ARAP3: variants seen among roughly 807,000 people sequenced by gnomAD.
The protein encoded by ARAP3 is arf-GAP with Rho-GAP domain, ANK repeat and PH domain-containing protein 3.
In ARAP3, 82 loss-of-function variants were observed where a neutral mutation model predicts 169.2. The observed-to-expected ratio is 0.48, with a 90% confidence interval of 0.41 to 0.58. The LOEUF (loss-of-function observed/expected upper bound fraction) is 0.58. Among genes scored for constraint, ARAP3 ranks in the 20% least tolerant of loss-of-function variants. The probability of loss-of-function intolerance (pLI) is 0.00; values close to 1 mark genes in which losing one functional copy is unlikely to be tolerated. For synonymous variants in ARAP3, 791 were observed against 800.3 expected, an observed-to-expected ratio of 0.99 and a Z score of 0.20; for missense variants, 1,764 against 2,018.0, an observed-to-expected ratio of 0.87 and a Z score of 2.41.
At position 141,673,421 on chromosome 5, in the gene ARAP3, T is replaced by G; in HGVS notation, c.952A>C (p.Met318Leu). ...CCCACCTTGTCACTGCCAAAGTACA[T>G]CAGACTCCTCCCATTGAACTGCACA... ...RFVQFNGRSL[M>L]YFGSDKDPFP... Residue 318 changes from methionine to leucine, a missense_variant, in exon 6 of 33, where the codon ATG becomes CTG. By Grantham distance (15) the Met-to-Leu change is conservative. Around this residue, in one of 3 missense-constraint regions of ARAP3, gnomAD observed 630 missense variants for 678.7 expected, o/e 0.93. Transcript: ENST00000239440. The G allele has an allele frequency of 6.2e-7, 1 of 1,614,020 alleles. No individual in the cohort carries two copies. The highest frequency in any genetic ancestry group is 1.1e-5 in the South Asian group (1 of 91,090).
In ARAP3 at chr5:141,671,482, T is replaced by A; in HGVS notation, c.1855-82A>T. On this transcript the variant is annotated intron_variant, in intron 12 of 32. Transcript: ENST00000239440. The surrounding 1 kb of genome is among the most constrained non-coding windows in gnomAD (Gnocchi z 4.9). ...ACAGTCGTATCATCACTAAAAACAG[T>A]CCCCACCACCCAAGTCTAGGCATTC... 1.2e-6 allele frequency: 2 copies of A among 1,602,028 alleles called. No homozygotes were observed. Among genetic ancestry groups the A allele is most frequent in the Admixed American group, 1.7e-5 (1 of 58,922 alleles).
In ARAP3 at chr5:141,654,148, C is replaced by A. The variant is rs367655294; in HGVS notation, c.4437G>T (p.Gly1479=). 4 of 1,600,516 alleles carry A rather than the reference C, an allele frequency of 2.5e-6. No individual in the cohort carries two copies. Among genetic ancestry groups the A allele is most frequent in the East Asian group, 2.2e-5 (1 of 44,866 alleles). Residue 1479 remains glycine, a synonymous_variant, in exon 33 of 33, where the codon GGG becomes GGT. Transcript: ENST00000239440. ...CCTGGAGCAGCTGTTCCTCTAGGGA[C>A]CCCCGTGCCTGGGGACTGCTCTTTG... is the stretch of plus-strand genomic sequence containing the variant. ...PPSKSSPQAR[G]SLEEQLLQEL...
At chr5:141,673,915 C>A in intron 4 of ARAP3, 107 bp from the exon 5 acceptor site, 2 of 951,070 alleles carry the variant, frequency 2.1e-6, no homozygotes, top group South Asian at 3.5e-5. Flanking sequence ...GAATGCCTGG[C>A]AGGTACTGGA....
chr5:141,680,289 G>A lies in ARAP3; in HGVS notation c.198C>T (p.Thr66=), dbSNP rs761466917. Residue 66 remains threonine, a synonymous_variant, in exon 2 of 33, where the codon ACC becomes ACT. Transcript: ENST00000239440. ...ATTTGGGATCCAGGGAGCCCTCTTC[G>A]GTGCCTGTCTGTAGCAGGCGTAGAA... ...KRILRLLQTG[T]EEGSLDPKSD... The A allele has an allele frequency of 1.2e-6, 2 of 1,614,188 alleles. No individual in the cohort carries two copies. The highest frequency in any genetic ancestry group is 3.3e-5 in the Admixed American group (2 of 60,024).
At chr5:141,670,157 T>C in intron 14 of ARAP3, 94 bp from the exon 15 acceptor site, 1 of 1,471,772 alleles carries the variant, frequency 6.8e-7, no homozygotes, top group South Asian at 1.3e-5. Context: ...CCAAGCCCTT[T>C]GCCCATATAT....
intron 19 of ARAP3, among the ~76,000 whole-genome samples, chr5:141,664,253 G>A (rs1168444681): frequency 6.6e-6 from 1 of 152,040 alleles, no homozygotes; most frequent in East Asian, 1.9e-4. Context: ...GTGTGGTGGG[G>A]CACGCCTGCA....
rs374259789 is a variant in ARAP3, at chr5:141,673,379, G to A, written c.972+22C>T. On this transcript the variant is annotated intron_variant, in intron 6 of 32. Coordinates refer to ENST00000239440, the MANE Select transcript of ARAP3 (RefSeq NM_022481.6). ...CCTCCCTCTCCCTCATCTCCATATC[G>A]TCACATCTCCCAGCCCCCCACCTTG... is the stretch of plus-strand genomic sequence containing the variant. 1.7e-5 allele frequency: 28 copies of A among 1,612,854 alleles called. No individual in the cohort carries two copies. In the African/African-American group the frequency reaches 1.7e-4, roughly 10 times the overall value.
At position 141,671,236 on chromosome 5, in the gene ARAP3, G is replaced by A. The variant is rs965249009; in HGVS notation, c.1990+29C>T. 1.9e-6 allele frequency: 3 copies of A among 1,568,548 alleles called. No homozygotes were observed. Among genetic ancestry groups the A allele is most frequent in the African/African-American group, 2.7e-5 (2 of 73,264 alleles). Reference sequence around the variant, plus strand: ...AGGTTGGGTCTGAGAATTCCTGTAGGGGAGAGAGGAGGCACTTGGGGGAAT... The same window carrying A: ...AGGTTGGGTCTGAGAATTCCTGTAGAGGAGAGAGGAGGCACTTGGGGGAAT... On this transcript the variant is annotated intron_variant, in intron 13 of 32. Transcript: ENST00000239440. The surrounding 1 kb of genome is among the most constrained non-coding windows in gnomAD (Gnocchi z 4.9).
rs551398129 is a variant in ARAP3 at position 141,671,727 on chromosome 5, C to A, written c.1697G>T (p.Arg566Leu). 6.2e-7 allele frequency: 1 copy of A among 1,603,974 alleles called. No individual in the cohort carries two copies. Among genetic ancestry groups the A allele is most frequent in the South Asian group, 1.1e-5 (1 of 89,324 alleles). The change falls in exon 12 of 33, where the codon CGT (arginine) becomes CTT (leucine). Residue 566 changes from arginine (R) to leucine (L), a missense_variant. Physicochemically the swap from Arg to Leu is moderately radical, Grantham distance 102 (BLOSUM62 -2). This residue lies in a region of ARAP3 where 1,112 missense variants were observed against 1,285.7 expected (regional missense o/e 0.86). Transcript: ENST00000239440. This position sits in a 1 kb window ranked among gnomAD's most constrained non-coding sequence, Gnocchi z 4.9. ...VQLFIVLGND[R>L]ANRFWAGTLP... ...GGTCCCTGCCCAGAAGCGGTTGGCA[C>A]GATCATTTCCCAGGACAATGAATAA...
At chr5:141,668,217 C>A (rs1383889130) in intron 16 of ARAP3, among the ~76,000 whole-genome samples, 1 of 152,002 alleles carries the variant, frequency 6.6e-6, no homozygotes, top group East Asian at 1.9e-4. Context: ...AGCAATCCTT[C>A]CACCTCAGCC....
intron 4 of ARAP3, among the ~76,000 whole-genome samples, chr5:141,679,027 G>A (rs137924240): frequency 1.7e-4 from 26 of 152,174 alleles, no homozygotes; most frequent in Non-Finnish European, 2.9e-4. Context: ...AGTGGCTCAT[G>A]CCTGTAATCC....
intron 4 of ARAP3, among the ~76,000 whole-genome samples, chr5:141,676,547 C>T (rs2099912215): frequency 6.6e-6 from 1 of 152,090 alleles, no homozygotes; most frequent in African/African-American, 2.4e-5. Context: ...CCTCCAATTC[C>T]AAGGGTGAAT....
At position 141,671,843 on chromosome 5, in the gene ARAP3, T is replaced by G; in HGVS notation, c.1671+52A>C. The G allele has an allele frequency of 1.2e-6, 2 of 1,613,548 alleles. No individual in the cohort carries two copies. The highest frequency in any genetic ancestry group is 1.7e-6 in the Non-Finnish European group (2 of 1,179,558). ...GTCCCCAGGCTGGCCCAAGGCCTGCTTCTGGACGCTCCCTTCTACGCCTCC... is the reference window on the plus strand; with the variant it reads ...GTCCCCAGGCTGGCCCAAGGCCTGCGTCTGGACGCTCCCTTCTACGCCTCC... On this transcript the variant is annotated intron_variant, in intron 11 of 32. Coordinates refer to ENST00000239440, the MANE Select transcript of ARAP3 (RefSeq NM_022481.6). This position sits in a 1 kb window ranked among gnomAD's most constrained non-coding sequence, Gnocchi z 4.9.
At position 141,656,180 on chromosome 5, in the gene ARAP3, G is replaced by A. The variant is rs773918782; in HGVS notation, c.3872+14C>T. ...GGAAGGCCCTGGAAGTGCGGGCTGGGGAAGAAAACTCACGGTGTTGGGGGC... is the reference window on the plus strand; with the variant it reads ...GGAAGGCCCTGGAAGTGCGGGCTGGAGAAGAAAACTCACGGTGTTGGGGGC... On this transcript the variant is annotated intron_variant, in intron 28 of 32. Transcript: ENST00000239440. 1.4e-5 allele frequency: 22 copies of A among 1,613,986 alleles called. No homozygotes were observed. In the Admixed American group the frequency reaches 3.0e-4, roughly 22 times the overall value.
chr5:141,672,671 G>A lies in ARAP3; in HGVS notation c.1279-13C>T. The A allele has an allele frequency of 6.2e-7, 1 of 1,613,846 alleles. No individual in the cohort carries two copies. The highest frequency in any genetic ancestry group is 8.5e-7 in the Non-Finnish European group (1 of 1,179,818). ...CCAGAGAGAAGGCCTGGTGGGGTCA[G>A]GGGGTGGGCATCATGAGGTGCCAGA... On this transcript the variant is annotated splice_polypyrimidine_tract_variant and intron_variant, in intron 8 of 32. Coordinates refer to ENST00000239440, the MANE Select transcript of ARAP3 (RefSeq NM_022481.6). The surrounding 1 kb of genome is among the most constrained non-coding windows in gnomAD (Gnocchi z 4.9).
intron 15 of ARAP3, 28 bp downstream of exon 15, chr5:141,669,894 A>G (rs2099911200): frequency 6.2e-7 from 1 of 1,608,356 alleles, no homozygotes; most frequent in South Asian, 1.1e-5. Context: ...AAAAGGGGGA[A>G]GCTCAGTGGT....
intron 31 of ARAP3, 90 bp from the exon 32 acceptor site, chr5:141,655,490 G>A (rs372849091): frequency 1.5e-5 from 24 of 1,577,130 alleles, no homozygotes; most frequent in Non-Finnish European, 2.0e-5. Context: ...GGGAATGGGG[G>A]TGAAGAAGGC....
chr5:141,677,140 TTAA>T (rs769782620), intron 4 of ARAP3, among the ~76,000 whole-genome samples: 10 of 152,220 alleles, frequency 6.6e-5, no homozygotes, highest in Non-Finnish European at 1.0e-4. Flanking sequence ...GAAATTAATT[TTAA>T]TAATATATTT....
rs1228616758 is a variant in ARAP3 at position 141,666,549 on chromosome 5, G to T, written c.2447C>A (p.Ala816Asp). Reference protein sequence around the residue: ...WLRSPSHTAPAPGLWLSGFGL... With the variant: ...WLRSPSHTAPDPGLWLSGFGL... ...AAACCCTGACAGCCAGAGACCAGGG[G>T]CCGGGGCTGTATGGGAGGGGGACCG... Residue 816 changes from alanine to aspartate, a missense_variant, in exon 17 of 33, where the codon GCC becomes GAC. Coordinates refer to ENST00000239440, the MANE Select transcript of ARAP3 (RefSeq NM_022481.6). 1.3e-6 allele frequency: 2 copies of T among 1,588,628 alleles called. No individual in the cohort carries two copies. Among genetic ancestry groups the T allele is most frequent in the Non-Finnish European group, 1.7e-6 (2 of 1,168,686 alleles).
Sources: allele counts gnomAD v4.1 joint callset (sites outside exome capture counted in the v4.1 genomes callset), GRCh38; gene constraint gnomAD v4.1.1; regional missense constraint gnomAD v4.1.1; non-coding constraint Gnocchi (gnomAD v3.1); transcripts MANE v1.5; gene names NCBI Gene and HGNC (gene_info 2026-07-23, HGNC 2026-07-21).